The following THSD4 variants were observed in gnomAD, a reference collection of about 807,000 sequenced individuals.
The protein encoded by THSD4 is thrombospondin type 1 domain containing 4.
Under a neutral mutation model 119.0 loss-of-function variants are expected in THSD4, and 69 were observed. The ratio of observed to expected loss-of-function variants is 0.58; its 90% CI spans 0.48 to 0.71. THSD4 has a LOEUF of 0.71. THSD4 is among the 30% of genes least tolerant of loss of function. The pLI is 0.00. For synonymous variants in THSD4, 524 were observed against 540.4 expected (o/e 0.97, Z 0.42); for missense variants, 1,393 against 1,391.1 (o/e 1.00, Z -0.02).
chr15:71,407,065 A>G (rs2140494554), intron 6 of THSD4, among the ~76,000 whole-genome samples: 1 of 152,260 alleles, frequency 6.6e-6, no homozygotes, highest in East Asian at 1.9e-4. Flanking sequence ...TATAAAATGT[A>G]CTTTTCTCTA....
At chr15:71,180,202 A>G (rs1211161797) in intron 3 of THSD4, among the ~76,000 whole-genome samples, 1 of 152,068 alleles carries the variant, frequency 6.6e-6, no homozygotes, top group African/African-American at 2.4e-5. Flanking sequence ...TCAACAGAGT[A>G]TAAAGGCAAC....
chr15:71,139,750 C>T (rs2040585554), intron 1 of THSD4, among the ~76,000 whole-genome samples: 7 of 152,212 alleles, frequency 4.6e-5, no homozygotes, highest in Admixed American at 4.6e-4. Context: ...TTCCCACCCA[C>T]ATTTTCTGGT....
intron 6 of THSD4, among the ~76,000 whole-genome samples, chr15:71,335,662 C>T (rs548729978): frequency 7.2e-5 from 11 of 152,236 alleles, no homozygotes; most frequent in Non-Finnish European, 1.5e-4. Context: ...CCAATTTCCT[C>T]GGTGAAGATG....
chr15:71,571,619 A>G (rs1428682969), intron 7 of THSD4, among the ~76,000 whole-genome samples: 1 of 152,184 alleles, frequency 6.6e-6, no homozygotes, highest in African/African-American at 2.4e-5. Flanking sequence ...CATTTTGAGT[A>G]CCTATTGTGG....
intron 7 of THSD4, among the ~76,000 whole-genome samples, chr15:71,642,701 C>CA (rs1390701272): frequency 6.7e-6 from 1 of 149,960 alleles, no homozygotes; most frequent in African/African-American, 2.5e-5. Flanking sequence ...ATCGCAAGAA[C>CA]AAAAAACCAA....
intron 7 of THSD4, among the ~76,000 whole-genome samples, chr15:71,495,845 C>T (rs1048455619): frequency 6.6e-6 from 1 of 152,196 alleles, no homozygotes; most frequent in South Asian, 2.1e-4. Flanking sequence ...TGAGGCTTCA[C>T]CTCAGGAAAA....
At chr15:71,492,587 C>G (rs997428020) in intron 7 of THSD4, among the ~76,000 whole-genome samples, 1 of 152,032 alleles carries the variant, frequency 6.6e-6, no homozygotes, top group Non-Finnish European at 1.5e-5. Context: ...GAAGGGAAGC[C>G]CCATGAAGCA....
rs750919319 is a variant in THSD4 at position 71,411,715 on chromosome 15, C to T, written c.1044C>T (p.Asn348=). ...EVKGNRKCEL[N]CQAMGYRFYV... is the part of the protein sequence containing the mutation. ...AAGGCAATCGCAAATGTGAGTTGAA[C>T]TGCCAGGCAATGGGCTACCGCTTCT... The change falls in exon 7 of 18, where the codon AAC becomes AAT. Residue 348 remains asparagine, a synonymous_variant. Coordinates refer to ENST00000261862, the MANE Select transcript of THSD4 (RefSeq NM_024817.3). The T allele has an allele frequency of 6.2e-7, 1 of 1,614,000 alleles. No homozygotes were observed. The highest frequency in any genetic ancestry group is 8.5e-7 in the Non-Finnish European group (1 of 1,179,972).
intron 5 of THSD4, among the ~76,000 whole-genome samples, chr15:71,245,552 C>T (rs978494923): frequency 6.6e-6 from 1 of 152,074 alleles, no homozygotes; most frequent in Admixed American, 6.6e-5. Context: ...GCTCATAGGC[C>T]GAAGAGCATA....
intron 6 of THSD4, among the ~76,000 whole-genome samples, chr15:71,401,775 T>G (rs1018307952): frequency 6.6e-6 from 1 of 152,174 alleles, no homozygotes; most frequent in Non-Finnish European, 1.5e-5. Context: ...GGATTATAAT[T>G]CATGCTACTA....
At chr15:71,665,663 T>G (rs764124293) in intron 8 of THSD4, among the ~76,000 whole-genome samples, 35 of 152,200 alleles carry the variant, frequency 2.3e-4, no homozygotes, top group Non-Finnish European at 2.9e-4. Context: ...TATCTTGAGT[T>G]GATTTTTATA....
chr15:71,235,045 G>A (rs576254329), intron 4 of THSD4, among the ~76,000 whole-genome samples: 1 of 152,306 alleles, frequency 6.6e-6, no homozygotes, highest in African/African-American at 2.4e-5. Context: ...TAAAAGATAC[G>A]TGTGGTCATA....
intron 8 of THSD4, among the ~76,000 whole-genome samples, chr15:71,683,383 C>T (rs752328353): frequency 3.9e-5 from 6 of 151,912 alleles, no homozygotes; most frequent in Non-Finnish European, 8.8e-5. Flanking sequence ...TACTGTGTGC[C>T]GGGTGGAATT....
intron 7 of THSD4, among the ~76,000 whole-genome samples, chr15:71,604,922 A>C (rs918357978): frequency 6.6e-6 from 1 of 152,194 alleles, no homozygotes; most frequent in African/African-American, 2.4e-5. Flanking sequence ...AAATAAAGCA[A>C]TAAAGGTCAG....
intron 3 of THSD4, among the ~76,000 whole-genome samples, chr15:71,201,832 G>A (rs916585655): frequency 6.6e-5 from 10 of 152,178 alleles, no homozygotes; most frequent in African/African-American, 2.4e-4. Context: ...TGTACATATG[G>A]TTCACGTCGA....
chr15:71,772,527 A>G (rs2053840263), intron 17 of THSD4, among the ~76,000 whole-genome samples: 2 of 152,246 alleles, frequency 1.3e-5, no homozygotes, highest in East Asian at 1.9e-4. Flanking sequence ...ACTCAATACT[A>G]TAAAGGTGAT....
chr15:71,744,311 A>G (rs2053293047), intron 11 of THSD4, among the ~76,000 whole-genome samples: 1 of 152,190 alleles, frequency 6.6e-6, no homozygotes, highest in South Asian at 2.1e-4. Context: ...ACATTCATTC[A>G]ACACGGTCAT....
intron 7 of THSD4, among the ~76,000 whole-genome samples, chr15:71,557,673 T>G (rs982015363): frequency 6.6e-6 from 1 of 152,210 alleles, no homozygotes; most frequent in African/African-American, 2.4e-5. Context: ...TATTAAGGCT[T>G]TCTATTTATT....
At chr15:71,532,281 AGAGTGTGTGTGTGTGT>A (rs914697524) in intron 7 of THSD4, among the ~76,000 whole-genome samples, 9 of 113,190 alleles carry the variant, frequency 8.0e-5, no homozygotes, top group South Asian at 3.2e-4. Flanking sequence ...AGAGAGAGAG[AGAGTGTGTGTGTGTGT>A]GTGTGTGTGT....
Sources: allele counts gnomAD v4.1 joint callset (sites outside exome capture counted in the v4.1 genomes callset), GRCh38; gene constraint gnomAD v4.1.1; transcripts MANE v1.5; gene names NCBI Gene and HGNC (gene_info 2026-07-23, HGNC 2026-07-21).